The following ANO6 variants were observed in gnomAD, a reference collection of about 807,000 sequenced individuals.
ANO6 encodes the protein anoctamin-6.
A neutral mutation model predicts 117.5 loss-of-function variants in ANO6; 106 were observed. The ratio of observed to expected loss-of-function variants is 0.90; its 90% confidence interval spans 0.77 to 1.06. The LOEUF is 1.06. ANO6 is among the 50% of genes least tolerant of loss of function. ANO6 has a pLI of 0.00. For missense variants in ANO6, 955 were observed against 1,121.1 expected, an observed-to-expected ratio of 0.85 and a Z score of 2.12; for synonymous variants, 367 against 385.1, an observed-to-expected ratio of 0.95 and a Z score of 0.55.
intron 3 of ANO6, among the ~76,000 whole-genome samples, chr12:45,343,948 A>G (rs780904151): frequency 2.6e-5 from 4 of 152,130 alleles, no homozygotes; most frequent in Non-Finnish European, 5.9e-5. Context: ...GCCTGGAGCC[A>G]GGTAGTCTGG....
intron 2 of ANO6, among the ~76,000 whole-genome samples, chr12:45,326,246 A>G (rs529651518): frequency 6.6e-6 from 1 of 152,332 alleles, no homozygotes; most frequent in African/African-American, 2.4e-5. Context: ...GGCACAATCT[A>G]ATGGTATTTA....
chr12:45,357,351 C>G lies in ANO6; in HGVS notation c.925C>G (p.Leu309Val), dbSNP rs1485002160. ...FAWLGYYTQM[L>V]LLAAVVGVAC... Reference sequence around the variant, plus strand: ...TTGGCTGGGCTATTACACTCAGATGCTTCTCCTGGCCGCAGTTGTAGGAGT... The same window carrying G: ...TTGGCTGGGCTATTACACTCAGATGGTTCTCCTGGCCGCAGTTGTAGGAGT... The change falls in exon 8 of 20, where the codon CTT (leucine) becomes GTT (valine). Residue 309 changes from leucine (L) to valine (V), a missense_variant. By Grantham distance (32) the Leu-to-Val change is conservative (BLOSUM62 1). Coordinates refer to ENST00000320560, the MANE Select transcript of ANO6 (RefSeq NM_001025356.3). 6.2e-7 allele frequency: 1 copy of G among 1,614,044 alleles called. No homozygotes were observed. The highest frequency in any genetic ancestry group is 1.7e-5 in the Admixed American group (1 of 60,028).
intron 1 of ANO6, among the ~76,000 whole-genome samples, chr12:45,300,735 T>G (rs1270670295): frequency 1.3e-5 from 2 of 152,242 alleles, no homozygotes; most frequent in East Asian, 3.8e-4. Flanking sequence ...CTTACTTAAA[T>G]ATTTAAGAAT....
intron 7 of ANO6, among the ~76,000 whole-genome samples, chr12:45,355,910 A>G (rs931818839): frequency 1.3e-5 from 2 of 152,212 alleles, no homozygotes; most frequent in African/African-American, 2.4e-5. Flanking sequence ...GCCCAGCTCC[A>G]TACTGAGCCT....
chr12:45,429,560 A>C lies in ANO6; in HGVS notation c.*249A>C. 3.1e-6 allele frequency: 4 copies of C among 1,285,730 alleles called. No individual in the cohort carries two copies. In the South Asian group the frequency reaches 6.8e-5, roughly 22 times the overall value. 79.6% of individuals were successfully genotyped at this position (1,285,730 alleles called of 1,614,324 possible). On this transcript the variant is annotated 3_prime_UTR_variant, in exon 20 of 20. Coordinates refer to ENST00000320560, the MANE Select transcript of ANO6 (RefSeq NM_001025356.3). ...TGTTACCTTTTTCTGATAAATTGGA[A>C]TTTTACAGAAAAAGTCCCTCAGTGT...
chr12:45,388,806 A>C (rs761642383), intron 11 of ANO6, among the ~76,000 whole-genome samples: 2 of 152,146 alleles, frequency 1.3e-5, no homozygotes, highest in Admixed American at 6.6e-5. Context: ...TGGAGAAAGG[A>C]TGGAGGAAGA....
chr12:45,435,063 T>C (rs1051622032), downstream of ANO6, among the ~76,000 whole-genome samples: 4 of 152,222 alleles, frequency 2.6e-5, no homozygotes, highest in Non-Finnish European at 4.4e-5. Context: ...TGAAGCTCTA[T>C]TACCTGTTCA....
At chr12:45,250,738 T>C (rs1413663846) in intron 1 of ANO6, among the ~76,000 whole-genome samples, 1 of 148,518 alleles carries the variant, frequency 6.7e-6, no homozygotes, top group Admixed American at 6.8e-5. Flanking sequence ...CAGTACAGCC[T>C]TTATGGACAT....
rs142698974 is a variant in ANO6 at position 45,393,941 on chromosome 12, C to T, written c.1386+3443C>T. Among the ~76,000 whole-genome samples, 14 of 152,234 alleles carry T rather than the reference C, an allele frequency of 9.2e-5. No individual in the cohort carries two copies. In the East Asian group the frequency reaches 2.1e-3, roughly 23 times the overall value. ...CCTATGAAGAAACTGCTTTAATTAACGGGCAGAATAAGCAGCGAATGTCAT... is the reference window on the plus strand; with the variant it reads ...CCTATGAAGAAACTGCTTTAATTAATGGGCAGAATAAGCAGCGAATGTCAT... On this transcript the variant is annotated intron_variant, in intron 12 of 19. Transcript: ENST00000320560.
At chr12:45,257,580 T>G (rs1013041723) in intron 1 of ANO6, among the ~76,000 whole-genome samples, 2 of 152,228 alleles carry the variant, frequency 1.3e-5, no homozygotes, top group Admixed American at 6.5e-5. Context: ...TTCGTCTTTT[T>G]GCTCGATGTC....
In ANO6 at chr12:45,331,559, A is replaced by G. The variant is rs144030718; in HGVS notation, c.279+136A>G. On this transcript the variant is annotated intron_variant, in intron 3 of 19. Coordinates refer to ENST00000320560, the MANE Select transcript of ANO6 (RefSeq NM_001025356.3). ...AAACAGTTTCATATTTTCTCTGCTC[A>G]TGTTTTCTCAAAGCATATTAACAAA... The G allele has an allele frequency of 2.7e-3, 2,475 of 903,910 alleles. 6 individuals carry two copies. The highest frequency in any genetic ancestry group is 3.1e-3 in the Non-Finnish European group (1,926 of 614,922). 56.0% of individuals were successfully genotyped at this position (903,910 alleles called of 1,614,324 possible). A position where few individuals can be genotyped will look rare whatever the true frequency, so the allele number is the denominator to read the frequency against.
intron 1 of ANO6, among the ~76,000 whole-genome samples, chr12:45,276,889 A>G (rs1938571873): frequency 6.6e-6 from 1 of 152,190 alleles, no homozygotes; most frequent in African/African-American, 2.4e-5. Context: ...AATTAGTTAG[A>G]ATGTTTACAT....
chr12:45,395,240 C>G (rs142895452), intron 12 of ANO6, among the ~76,000 whole-genome samples: 2 of 152,030 alleles, frequency 1.3e-5, no homozygotes, highest in Admixed American at 6.6e-5. Flanking sequence ...AGAAAATCTA[C>G]AAGAAATGGA....
In ANO6 at chr12:45,233,446, T is replaced by A. The variant is rs572823665; in HGVS notation, c.70+17055T>A. Among the ~76,000 whole-genome samples, 14 of 152,310 alleles carry A rather than the reference T, an allele frequency of 9.2e-5. No individual in the cohort carries two copies. The South Asian group carries it at 1.9e-3, about 20-fold the overall frequency. ...TTTTTCTGTGTAGGGATCTTTCATA[T>A]GTGATTGAAACTAGCAGGTAATATA... is the stretch of plus-strand genomic sequence containing the variant. On this transcript the variant is annotated intron_variant, in intron 1 of 19. Coordinates refer to ENST00000320560, the MANE Select transcript of ANO6 (RefSeq NM_001025356.3).
At chr12:45,439,248 G>T (rs1305997896) in intron 19 of ANO6, among the ~76,000 whole-genome samples, 1 of 152,162 alleles carries the variant, frequency 6.6e-6, no homozygotes, top group Non-Finnish European at 1.5e-5. Context: ...CTACTAGAGT[G>T]GGCTGATGCC....
chr12:45,435,997 C>T (rs1185812262), downstream of ANO6, among the ~76,000 whole-genome samples: 1 of 152,140 alleles, frequency 6.6e-6, no homozygotes, highest in Non-Finnish European at 1.5e-5. Context: ...TACAATCAGC[C>T]CAGGAAGCCA....
chr12:45,223,357 A>G (rs749724254), intron 1 of ANO6, among the ~76,000 whole-genome samples: 5 of 152,190 alleles, frequency 3.3e-5, no homozygotes, highest in Non-Finnish European at 7.3e-5. Context: ...GAGGATACCC[A>G]GCTGGTATCC....
chr12:45,345,963 G>A (rs758502871), intron 3 of ANO6, among the ~76,000 whole-genome samples: 8 of 144,822 alleles, frequency 5.5e-5, no homozygotes, highest in Non-Finnish European at 4.5e-5. Context: ...GGAGAGAGAG[G>A]TGGTAGGGAG....
At position 45,312,148 on chromosome 12, in the gene ANO6, T is replaced by C. The variant is rs888569203; in HGVS notation, c.150+10055T>C. ...TGTCAAAATTAATTTGACAAAAACA[T>C]GGGTGAGGAAAGCAGGGAGCCCTGG... is the stretch of plus-strand genomic sequence containing the variant. On this transcript the variant is annotated intron_variant, in intron 2 of 19. Coordinates refer to ENST00000320560, the MANE Select transcript of ANO6 (RefSeq NM_001025356.3). Among the ~76,000 whole-genome samples the C allele has an allele frequency of 1.8e-4, 27 of 151,972 alleles. 1 individual carries two copies. Among genetic ancestry groups the C allele is most frequent in the African/African-American group, 6.3e-4 (26 of 41,390 alleles).
Sources: allele counts gnomAD v4.1 joint callset (sites outside exome capture counted in the v4.1 genomes callset), GRCh38; gene constraint gnomAD v4.1.1; transcripts MANE v1.5; gene names NCBI Gene and HGNC (gene_info 2026-07-23, HGNC 2026-07-21).